Variants in FREM1 observed in about 807,000 individuals in gnomAD.
FREM1 encodes FRAS1-related extracellular matrix protein 1.
Under a neutral mutation model 210.1 loss-of-function variants are expected in FREM1, and 220 were observed. The ratio of observed to expected loss-of-function variants is 1.05; its 90% CI spans 0.94 to 1.17. FREM1 has a LOEUF of 1.17. FREM1 is among the 50% of genes most tolerant of loss of function. The probability of loss-of-function intolerance (pLI) is 0.00; values close to 1 mark genes in which losing one functional copy is unlikely to be tolerated. For synonymous variants in FREM1, 1,189 were observed against 980.2 expected, an observed-to-expected ratio of 1.21 and a Z score of -3.98; for missense variants, 3,454 against 2,675.5, an observed-to-expected ratio of 1.29 and a Z score of -6.42.
rs570797431 is a variant in FREM1 at position 14,746,468 on chromosome 9, C to G, written c.6139G>C (p.Asp2047His). 1 of 1,610,130 alleles carries G rather than the reference C, an allele frequency of 6.2e-7. No individual in the cohort carries two copies. The highest frequency in any genetic ancestry group is 2.2e-5 in the East Asian group (1 of 44,834). The change falls in exon 35 of 37, where the codon GAT becomes CAT. Residue 2047 changes from aspartate to histidine, a missense_variant and splice_region_variant. Physicochemically the swap from Asp to His is moderately conservative, Grantham distance 81. Coordinates refer to ENST00000380880, the MANE Select transcript of FREM1 (RefSeq NM_001379081.2). ...AWKAWSPQTK[D>H]VEDKSCPAGW... ...GCTGGACAGGATTTGTCTTCCACAT[C>G]CTGAAAAACAGTTGTCTGTGTTCAT... is the stretch of plus-strand genomic sequence containing the variant.
intron 1 of FREM1, among the ~76,000 whole-genome samples, chr9:14,905,699 G>A (rs1280585664): frequency 6.6e-6 from 1 of 152,160 alleles, no homozygotes. Flanking sequence ...GAGCAGCCTG[G>A]CCAACATGGC....
rs768567968 is a variant in FREM1 at position 14,824,020 on chromosome 9, C to T, written c.2169+5G>A. The T allele has an allele frequency of 7.7e-6, 12 of 1,568,168 alleles. No homozygotes were observed. The highest frequency in any genetic ancestry group is 7.8e-6 in the Non-Finnish European group (9 of 1,148,562). Reference sequence around the variant, plus strand: ...GTTTGTCAGCATTTTAGCATATCCTCATACCTGAGTGAATGACCTCAGCTC... The same window carrying T: ...GTTTGTCAGCATTTTAGCATATCCTTATACCTGAGTGAATGACCTCAGCTC... On this transcript the variant is annotated splice_donor_5th_base_variant and intron_variant, in intron 12 of 36. Coordinates refer to ENST00000380880, the MANE Select transcript of FREM1 (RefSeq NM_001379081.2).
chr9:14,860,692 TACACACATATATAC>T (rs1353209512), intron 3 of FREM1, among the ~76,000 whole-genome samples: 35 of 122,028 alleles, frequency 2.9e-4, no homozygotes, highest in Non-Finnish European at 5.0e-4. Context: ...TACACATATA[TACACACATATATAC>T]ACACATATAT....
At chr9:14,858,505 CTTTTT>C in intron 4 of FREM1, among the ~76,000 whole-genome samples, 1 of 138,418 alleles carries the variant, frequency 7.2e-6, no homozygotes, top group African/African-American at 2.6e-5. Context: ...CAGCCACCCA[CTTTTT>C]TTTTTTTTTT....
intron 24 of FREM1, among the ~76,000 whole-genome samples, chr9:14,778,607 CAAAA>C (rs1169611171): frequency 1.3e-4 from 4 of 31,244 alleles, no homozygotes; most frequent in African/African-American, 5.0e-4. Flanking sequence ...GAACCTGTCT[CAAAA>C]AAAAAAAAAA....
At chr9:14,834,587 C>G (rs1180631019) in intron 10 of FREM1, among the ~76,000 whole-genome samples, 1 of 152,120 alleles carries the variant, frequency 6.6e-6, no homozygotes, top group Admixed American at 6.6e-5. Context: ...TTTGAGTCAT[C>G]ATTTTGGCAA....
chr9:14,751,516 T>G (rs1212765708), intron 29 of FREM1, among the ~76,000 whole-genome samples: 2 of 151,976 alleles, frequency 1.3e-5, no homozygotes, highest in African/African-American at 4.8e-5. Flanking sequence ...AAAAATTAGG[T>G]GGGCGTGGTG....
chr9:14,841,713 G>A (rs1588300057), intron 9 of FREM1, 124 bp from the exon 10 acceptor site: 1 of 596,648 alleles, frequency 1.7e-6, no homozygotes, highest in East Asian at 3.1e-5. Flanking sequence ...CAAGGAATCT[G>A]CATTAAATGT....
intron 1 of FREM1, among the ~76,000 whole-genome samples, chr9:14,872,757 G>C (rs1250336521): frequency 4.0e-5 from 6 of 151,330 alleles, no homozygotes; most frequent in African/African-American, 1.5e-4. Context: ...AGTTTTCAAA[G>C]GGAATGCTTC....
chr9:14,818,409 G>C (rs1444796907), intron 14 of FREM1, among the ~76,000 whole-genome samples: 1 of 152,146 alleles, frequency 6.6e-6, no homozygotes, highest in Middle Eastern at 3.2e-3. Context: ...ACAAATCTTA[G>C]TTTCTGGTCA....
In FREM1 at chr9:14,784,486, G is replaced by C. The variant is rs201779885; in HGVS notation, c.4326C>G (p.Ile1442Met). ...VITSPPRYGQIEYVHYPGVPI... is the reference protein window; with the variant it reads ...VITSPPRYGQMEYVHYPGVPI... ...GAACTCCAGGATAGTGAACATATTC[G>C]ATCTGGCCATATCGCGGAGGGGAGG... The change falls in exon 24 of 37, where the codon ATC becomes ATG. Residue 1442 changes from isoleucine to methionine, a missense_variant. Transcript: ENST00000380880. 11 of 1,613,868 alleles carry C rather than the reference G, an allele frequency of 6.8e-6. No individual in the cohort carries two copies. The Admixed American group carries it at 1.3e-4, about 20-fold the overall frequency.
At chr9:14,861,116 T>C (rs1427121120) in intron 3 of FREM1, among the ~76,000 whole-genome samples, 5 of 107,014 alleles carry the variant, frequency 4.7e-5, no homozygotes, top group African/African-American at 2.4e-4. Flanking sequence ...TACACATATA[T>C]ATACATATAT....
chr9:14,884,721 A>T (rs1835453250), intron 1 of FREM1, among the ~76,000 whole-genome samples: 1 of 152,140 alleles, frequency 6.6e-6, no homozygotes, highest in African/African-American at 2.4e-5. Context: ...CAAGAAAAAA[A>T]ATGGATCTCA....
At chr9:14,825,049 A>T in intron 10 of FREM1, 57 bp from the exon 11 acceptor site, 1 of 1,183,022 alleles carries the variant, frequency 8.5e-7, no homozygotes, top group Non-Finnish European at 1.2e-6. Flanking sequence ...AACAAAGAAA[A>T]TGCCCCACAA....
Position 14,880,468 on chromosome 9 carries a change from G to A in FREM1, c.-267-11224C>T, listed in dbSNP as rs151003122. On this transcript the variant is annotated intron_variant, in intron 1 of 36. Coordinates refer to ENST00000380880, the MANE Select transcript of FREM1 (RefSeq NM_001379081.2). ...AAAATACAAAAGTTAGCAGGGCCTG[G>A]TGGCATGCATCTGTAATCCCAGCTA... 4.0e-3 allele frequency among the ~76,000 whole-genome samples: 602 copies of A among 152,062 alleles called. 4 individuals carry two copies. The highest frequency in any genetic ancestry group is 0.014 in the African/African-American group (568 of 41,510).
chr9:14,897,668 G>C (rs1307052092), intron 1 of FREM1, among the ~76,000 whole-genome samples: 1 of 151,104 alleles, frequency 6.6e-6, no homozygotes, highest in Non-Finnish European at 1.5e-5. Flanking sequence ...AAGGCTCACT[G>C]CCACCTCAAA....
At chr9:14,766,940 A>G (rs1361705813) in intron 27 of FREM1, among the ~76,000 whole-genome samples, 1 of 152,206 alleles carries the variant, frequency 6.6e-6, no homozygotes, top group Non-Finnish European at 1.5e-5. Flanking sequence ...ATACTTCTTC[A>G]GTCAATTATT....
At chr9:14,808,800 G>A (rs1050638575) in intron 16 of FREM1, among the ~76,000 whole-genome samples, 3 of 152,182 alleles carry the variant, frequency 2.0e-5, no homozygotes, top group Non-Finnish European at 1.5e-5. Flanking sequence ...GACAGTGACA[G>A]GAAGAAGGAA....
At chr9:14,863,213 C>T (rs931206546) in intron 3 of FREM1, among the ~76,000 whole-genome samples, 34 of 151,544 alleles carry the variant, frequency 2.2e-4, no homozygotes, top group Non-Finnish European at 7.4e-5. Flanking sequence ...TAGTGGTGGG[C>T]GCCTGTAGTC....
Sources: allele counts gnomAD v4.1 joint callset (sites outside exome capture counted in the v4.1 genomes callset), GRCh38; gene constraint gnomAD v4.1.1; transcripts MANE v1.5; gene names NCBI Gene and HGNC (gene_info 2026-07-23, HGNC 2026-07-21).